Variants in ANKS6 observed in about 807,000 individuals in gnomAD.
The protein encoded by ANKS6 is ankyrin repeat and SAM domain-containing protein 6.
A neutral mutation model predicts 77.9 loss-of-function variants in ANKS6; 47 were observed. The ratio of observed to expected loss-of-function variants is 0.60; its 90% CI spans 0.48 to 0.77. The LOEUF is 0.77. ANKS6 is among the 30% of genes least tolerant of loss of function. The pLI, the probability that ANKS6 is intolerant of heterozygous loss-of-function variation, is 0.00. For missense variants in ANKS6, 1,150 were observed against 1,159.1 expected, an observed-to-expected ratio of 0.99 and a Z score of 0.11; for synonymous variants, 488 against 501.7, an observed-to-expected ratio of 0.97 and a Z score of 0.37.
intron 2 of ANKS6, among the ~76,000 whole-genome samples, chr9:98,786,253 G>C (rs948633225): frequency 2.0e-5 from 3 of 150,860 alleles, no homozygotes; most frequent in Non-Finnish European, 2.9e-5. Context: ...TGCTGAGATT[G>C]CAGGTGTGAG....
chr9:98,769,909 A>G (rs896404923), intron 10 of ANKS6, among the ~76,000 whole-genome samples: 3 of 152,220 alleles, frequency 2.0e-5, no homozygotes, highest in Admixed American at 6.5e-5. Context: ...ATAGAAAAAC[A>G]CTTTCCAAAT....
At chr9:98,755,388 T>C (rs1478571912) in intron 12 of ANKS6, among the ~76,000 whole-genome samples, 1 of 152,196 alleles carries the variant, frequency 6.6e-6, no homozygotes, top group African/African-American at 2.4e-5. Flanking sequence ...TCCCAGCTCC[T>C]ACAGGCCTCT....
Position 98,736,640 on chromosome 9 carries a change from A to G in ANKS6, c.2512-17T>C, listed in dbSNP as rs765518982. Reference sequence around the variant, plus strand: ...CTCGCGTCCCTGTGGAGGAAATTGAAAACAGACACAGAAAGTCTTATTAAA... The same window carrying G: ...CTCGCGTCCCTGTGGAGGAAATTGAGAACAGACACAGAAAGTCTTATTAAA... On this transcript the variant is annotated splice_polypyrimidine_tract_variant and intron_variant, in intron 14 of 14. Coordinates refer to ENST00000353234, the MANE Select transcript of ANKS6 (RefSeq NM_173551.5). 2 of 1,588,974 alleles carry G rather than the reference A, an allele frequency of 1.3e-6. No individual in the cohort carries two copies. Among genetic ancestry groups the G allele is most frequent in the East Asian group, 4.6e-5 (2 of 43,778 alleles).
At chr9:98,754,682 G>T (rs1832606703) in intron 12 of ANKS6, among the ~76,000 whole-genome samples, 1 of 151,400 alleles carries the variant, frequency 6.6e-6, no homozygotes, top group Non-Finnish European at 1.5e-5. Context: ...GCAGCCCCCG[G>T]CCTATAACAA....
chr9:98,766,525 T>A (rs893382451), intron 11 of ANKS6, among the ~76,000 whole-genome samples: 1 of 152,108 alleles, frequency 6.6e-6, no homozygotes, highest in African/African-American at 2.4e-5. Flanking sequence ...TAAAATAAAA[T>A]ATATCAAAGT....
chr9:98,732,707 CT>C lies in ANKS6; in HGVS notation c.*3811del, dbSNP rs1831268117. 3 of 1,448,730 alleles carry C rather than the reference CT, an allele frequency of 2.1e-6. No homozygotes were observed. The highest frequency in any genetic ancestry group is 1.4e-5 in the African/African-American group (1 of 69,962). The allele number at this position is 1,448,730 out of a possible 1,614,324, so 89.7% of individuals were successfully genotyped here. A position where few individuals can be genotyped will look rare whatever the true frequency, so the allele number is the denominator to read the frequency against. ...ATGATCCCTGGGGGCTACTATCCCC[CT>C]GTAACCAAAAGGGAAACTGGGACTC... On this transcript the variant is annotated 3_prime_UTR_variant, in exon 15 of 15. Coordinates refer to ENST00000353234, the MANE Select transcript of ANKS6 (RefSeq NM_173551.5).
chr9:98,762,107 GTATTA>G (rs1402169844), intron 11 of ANKS6, among the ~76,000 whole-genome samples: 24 of 152,024 alleles, frequency 1.6e-4, no homozygotes, highest in African/African-American at 9.7e-5. Flanking sequence ...TTATACCTAA[GTATTA>G]TATTATATTC....
chr9:98,777,426 T>C lies in ANKS6; in HGVS notation c.1596A>G (p.Glu532=). The change falls in exon 8 of 15, where the codon GAA becomes GAG. Residue 532 remains glutamate (E), a synonymous_variant. Coordinates refer to ENST00000353234, the MANE Select transcript of ANKS6 (RefSeq NM_173551.5). ...TCACCATGGTTGTCAATAACGTGTC[T>C]TCCTTTTCTCCTCTTGTGCTCCCAG... The part of the protein sequence containing the change: ...NGPGSTRGEK[E]DTLLTTMLRN... The C allele has an allele frequency of 3.7e-6, 6 of 1,614,198 alleles. No homozygotes were observed. Among genetic ancestry groups the C allele is most frequent in the Non-Finnish European group, 4.2e-6 (5 of 1,180,030 alleles).
chr9:98,794,287 C>T (rs1326649525), intron 1 of ANKS6, among the ~76,000 whole-genome samples: 3 of 152,116 alleles, frequency 2.0e-5, no homozygotes, highest in Non-Finnish European at 4.4e-5. Context: ...TAAATAGATG[C>T]TTGCTCAGAC....
At chr9:98,764,453 T>A (rs1658185589) in intron 11 of ANKS6, among the ~76,000 whole-genome samples, 1 of 152,220 alleles carries the variant, frequency 6.6e-6, no homozygotes, top group African/African-American at 2.4e-5. Flanking sequence ...TCTTTACATA[T>A]TCCTTCTGCC....
At chr9:98,743,161 A>C (rs2131928725) in intron 14 of ANKS6, among the ~76,000 whole-genome samples, 1 of 152,246 alleles carries the variant, frequency 6.6e-6, no homozygotes, top group Non-Finnish European at 1.5e-5. Context: ...TTCTTCCTTA[A>C]CTGGCTTAAG....
chr9:98,787,239 C>G (rs1305166813), intron 2 of ANKS6, among the ~76,000 whole-genome samples: 1 of 152,156 alleles, frequency 6.6e-6, no homozygotes, highest in African/African-American at 2.4e-5. Flanking sequence ...CAGGGATCCC[C>G]CAGGGCCAAC....
chr9:98,735,346 AC>A lies in ANKS6; in HGVS notation c.*1172del. 1 of 1,038,702 alleles carries A rather than the reference AC, an allele frequency of 9.6e-7. No homozygotes were observed. The highest frequency in any genetic ancestry group is 1.2e-6 in the Non-Finnish European group (1 of 865,768). The allele number at this position is 1,038,702 out of a possible 1,614,324, so 64.3% of individuals were successfully genotyped here. ...TCTGTATTGTGTCTGCACACTTGGC[AC>A]CTGGTAGCTAACATAAATGCAACAA... On this transcript the variant is annotated 3_prime_UTR_variant, in exon 15 of 15. Coordinates refer to ENST00000353234, the MANE Select transcript of ANKS6 (RefSeq NM_173551.5).
At chr9:98,756,650 A>G in intron 11 of ANKS6, 47 bp from the exon 12 acceptor site, 1 of 1,408,860 alleles carries the variant, frequency 7.1e-7, no homozygotes, top group Non-Finnish European at 9.3e-7. Flanking sequence ...CCTGTAGGGT[A>G]GAAATGAGGA....
chr9:98,752,365 T>C (rs1832477485), intron 12 of ANKS6, among the ~76,000 whole-genome samples: 1 of 152,164 alleles, frequency 6.6e-6, no homozygotes, highest in African/African-American at 2.4e-5. Flanking sequence ...AAGAAGTGAT[T>C]AGGAGGCTTA....
At chr9:98,752,134 G>C (rs180038) in intron 12 of ANKS6, among the ~76,000 whole-genome samples, 6,844 of 152,288 alleles carry the variant, frequency 0.045, 385 homozygotes, top group East Asian at 0.26. Flanking sequence ...TGATAGGCAA[G>C]ACAGCAAGGA....
intron 3 of ANKS6, among the ~76,000 whole-genome samples, chr9:98,784,629 G>A (rs1834464188): frequency 6.6e-6 from 1 of 152,124 alleles, no homozygotes; most frequent in African/African-American, 2.4e-5. Context: ...GCTGGAGTGG[G>A]GCTGGAGGCC....
rs568584730 is a variant in ANKS6 at position 98,793,754 on chromosome 9, C to T, written c.359+2379G>A. On this transcript the variant is annotated intron_variant, in intron 1 of 14. Coordinates refer to ENST00000353234, the MANE Select transcript of ANKS6 (RefSeq NM_173551.5). ...TTCACTATGTTGGCCAGGCTGGTCT[C>T]GATCTCCTGACCTCCTGATCTGCCC... Among the ~76,000 whole-genome samples the T allele has an allele frequency of 7.3e-5, 11 of 150,780 alleles. No homozygotes were observed. The East Asian group carries it at 1.6e-3, about 22-fold the overall frequency.
chr9:98,778,497 C>A (rs1834045744), intron 6 of ANKS6, 73 bp from the exon 7 acceptor site: 2 of 1,451,826 alleles, frequency 1.4e-6, no homozygotes, highest in African/African-American at 2.8e-5. Flanking sequence ...CCTGCCAGCC[C>A]AGAGACAGTG....
Sources: gnomAD v4.1 joint callset for allele counts (sites outside exome capture counted in the v4.1 genomes callset) on GRCh38, gnomAD v4.1.1 for gene constraint, MANE v1.5 for transcripts, NCBI Gene and HGNC (gene_info 2026-07-23, HGNC 2026-07-21) for gene names.